The following ATPAF2 variants were observed in gnomAD, a reference collection of about 807,000 sequenced individuals.
ATPAF2 encodes the protein ATP12 homolog.
ATPAF2 carries 30 observed loss-of-function variants against 36.6 expected under a neutral mutation model. The ratio of observed to expected loss-of-function variants is 0.82; its 90% confidence interval spans 0.61 to 1.11. The LOEUF (loss-of-function observed/expected upper bound fraction) is 1.11. ATPAF2 is among the 50% of genes most tolerant of loss of function. The pLI, the probability that ATPAF2 is intolerant of heterozygous loss-of-function variation, is 0.00. For synonymous variants in ATPAF2, 140 were observed against 152.6 expected (o/e 0.92, Z 0.61); for missense variants, 321 against 372.3 (o/e 0.86, Z 1.13).
intron 3 of ATPAF2, among the ~76,000 whole-genome samples, chr17:18,027,142 A>T (rs548790825): frequency 2.0e-4 from 31 of 151,680 alleles, no homozygotes; most frequent in Admixed American, 8.6e-4. Flanking sequence ...AATCGCTTGA[A>T]CCCAGGAGGC....
intron 5 of ATPAF2, 111 bp downstream of exon 5, chr17:18,024,513 C>G (rs1318012461): frequency 1.1e-6 from 1 of 902,020 alleles, no homozygotes; most frequent in Non-Finnish European, 1.8e-6. Flanking sequence ...GCTCTGAAAT[C>G]AGAAAGCTGA....
At chr17:18,024,832 T>A in intron 4 of ATPAF2, 128 bp from the exon 5 acceptor site, 1 of 790,168 alleles carries the variant, frequency 1.3e-6, no homozygotes, top group South Asian at 1.5e-5. Context: ...CACAAGTCTT[T>A]TCCCCTAAAG....
chr17:18,037,847 A>G (rs985922596), intron 1 of ATPAF2, among the ~76,000 whole-genome samples: 3 of 152,196 alleles, frequency 2.0e-5, no homozygotes, highest in African/African-American at 7.2e-5. Flanking sequence ...GTCACCCTGG[A>G]CACGTTCTAG....
At position 18,018,383 on chromosome 17, in the gene ATPAF2, C is replaced by T. The variant is rs1006746464; in HGVS notation, c.*166G>A. ...CCTGGGTTGAAATCAGGCTGACCTCCGGACAGCCGTACTAGCGCACTGTGT... is the reference window on the plus strand; with the variant it reads ...CCTGGGTTGAAATCAGGCTGACCTCTGGACAGCCGTACTAGCGCACTGTGT... On this transcript the variant is annotated 3_prime_UTR_variant, in exon 8 of 8. Coordinates refer to ENST00000474627, the MANE Select transcript of ATPAF2 (RefSeq NM_145691.4). 18 of 957,394 alleles carry T rather than the reference C, an allele frequency of 1.9e-5. No homozygotes were observed. Among genetic ancestry groups the T allele is most frequent in the African/African-American group, 8.2e-5 (5 of 61,096 alleles). 59.3% of individuals were successfully genotyped at this position (957,394 alleles called of 1,614,324 possible).
intron 7 of ATPAF2, among the ~76,000 whole-genome samples, chr17:18,019,263 T>TCCAGGCCCAGGC (rs370959799): frequency 6.6e-6 from 1 of 151,576 alleles, no homozygotes; most frequent in African/African-American, 2.4e-5. Context: ...AGAAGTGCAG[T>TCCAGGCCCAGGC]CCAGGCCCAG....
chr17:18,019,181 ACACACC>A (rs1432608124), intron 7 of ATPAF2, among the ~76,000 whole-genome samples: 1 of 150,868 alleles, frequency 6.6e-6, no homozygotes, highest in Non-Finnish European at 1.5e-5. Flanking sequence ...ACACACACAC[ACACACC>A]CCACCACCCC....
chr17:18,019,346 G>A (rs2044435224), intron 7 of ATPAF2, among the ~76,000 whole-genome samples: 1 of 152,204 alleles, frequency 6.6e-6, no homozygotes, highest in Non-Finnish European at 1.5e-5. Flanking sequence ...ACTTCTTTGA[G>A]GAGGCCTTAT....
chr17:18,018,443 G>T lies in ATPAF2; in HGVS notation c.*106C>A. ...AATCTCAGGGTGACGCTGAGGCCGA[G>T]TCCCCAAAAGCCAAGGAAGCCAGCC... On this transcript the variant is annotated 3_prime_UTR_variant, in exon 8 of 8. Coordinates refer to ENST00000474627, the MANE Select transcript of ATPAF2 (RefSeq NM_145691.4). The T allele has an allele frequency of 6.6e-7, 1 of 1,510,486 alleles. No individual in the cohort carries two copies. Among genetic ancestry groups the T allele is most frequent in the Non-Finnish European group, 9.1e-7 (1 of 1,100,302 alleles). The allele number at this position is 1,510,486 out of a possible 1,614,324, so 93.6% of individuals were successfully genotyped here.
chr17:18,021,884 C>T, intron 5 of ATPAF2, 27 bp from the exon 6 acceptor site: 1 of 1,597,332 alleles, frequency 6.3e-7, no homozygotes, highest in East Asian at 2.2e-5. Context: ...TTCGGCATGT[C>T]TCTGTCATGC....
At chr17:18,035,230 T>C (rs909619719) in intron 1 of ATPAF2, among the ~76,000 whole-genome samples, 1 of 150,904 alleles carries the variant, frequency 6.6e-6, no homozygotes, top group African/African-American at 2.4e-5. Flanking sequence ...CCCAATCTCT[T>C]AAAAACAAAA....
chr17:18,024,324 C>T (rs1247136316), intron 5 of ATPAF2, among the ~76,000 whole-genome samples: 6 of 152,178 alleles, frequency 3.9e-5, no homozygotes, highest in Admixed American at 2.6e-4. Flanking sequence ...TGCTCTGACC[C>T]GCTGGCAGAA....
intron 4 of ATPAF2, chr17:18,025,717 G>A (rs2044534487): frequency 6.1e-6 from 1 of 163,720 alleles, no homozygotes; most frequent in Admixed American, 5.7e-5. Context: ...AAATGGAGTG[G>A]GCGTTCCCAC....
At position 18,018,431 on chromosome 17, in the gene ATPAF2, C is replaced by G. The variant is rs1439329975; in HGVS notation, c.*118G>C. 2.5e-5 allele frequency: 35 copies of G among 1,424,660 alleles called. No individual in the cohort carries two copies. The highest frequency in any genetic ancestry group is 3.3e-5 in the Non-Finnish European group (34 of 1,024,364). The allele number at this position is 1,424,660 out of a possible 1,614,324, so 88.3% of individuals were successfully genotyped here. ...TGTCTCGGGGGGAATCTCAGGGTGA[C>G]GCTGAGGCCGAGTCCCCAAAAGCCA... is the stretch of plus-strand genomic sequence containing the variant. On this transcript the variant is annotated 3_prime_UTR_variant, in exon 8 of 8. Coordinates refer to ENST00000474627, the MANE Select transcript of ATPAF2 (RefSeq NM_145691.4).
At chr17:18,016,599 G>A, downstream of ATPAF2, 1 of 1,613,918 alleles carries the variant, frequency 6.2e-7, no homozygotes, top group South Asian at 1.1e-5. Context: ...AGCGCGTGAA[G>A]GAGATCAATC....
intron 1 of ATPAF2, among the ~76,000 whole-genome samples, chr17:18,030,816 G>A (rs1411388083): frequency 5.5e-5 from 7 of 128,316 alleles, no homozygotes; most frequent in Admixed American, 8.2e-5. Flanking sequence ...TACAGGCGCC[G>A]CCACCACGCC....
Position 18,028,286 on chromosome 17 carries a change from C to T in ATPAF2, c.270G>A (p.Val90=). 1.2e-6 allele frequency: 2 copies of T among 1,614,182 alleles called. No homozygotes were observed. Among genetic ancestry groups the T allele is most frequent in the Non-Finnish European group, 1.7e-6 (2 of 1,180,028 alleles). ...TVPSEALAIA[V]ATEWDSQQDT... ...CCTGCTGGGAATCCCACTCAGTAGC[C>T]ACTGCAATGGCCAGGGCCTCGCTGG... The change falls in exon 3 of 8, where the codon GTG becomes GTA. Residue 90 remains valine (V), a synonymous_variant. Transcript: ENST00000474627.
chr17:18,020,968 C>T, intron 7 of ATPAF2, 155 bp downstream of exon 7: 1 of 1,443,768 alleles, frequency 6.9e-7, no homozygotes, highest in Non-Finnish European at 9.1e-7. Flanking sequence ...GCCTACTTGA[C>T]AATACTTCTG....
At chr17:18,036,284 G>C (rs1169604217) in intron 1 of ATPAF2, among the ~76,000 whole-genome samples, 1 of 152,120 alleles carries the variant, frequency 6.6e-6, no homozygotes, top group African/African-American at 2.4e-5. Context: ...GAGAACACGT[G>C]GGGGTCGGGG....
At chr17:18,036,991 A>T (rs7503738) in intron 1 of ATPAF2, among the ~76,000 whole-genome samples, 61,157 of 152,014 alleles carry the variant, frequency 0.4, 13,441 homozygotes, top group East Asian at 0.87. Flanking sequence ...GAATTGCTTG[A>T]ATCTGGGAGG....
Sources: allele counts gnomAD v4.1 joint callset (sites outside exome capture counted in the v4.1 genomes callset), GRCh38; gene constraint gnomAD v4.1.1; transcripts MANE v1.5; gene names NCBI Gene and HGNC (gene_info 2026-07-23, HGNC 2026-07-21).